The following PTBP2 variants were observed in gnomAD, a reference collection of about 807,000 sequenced individuals.
PTBP2 encodes the protein polypyrimidine tract binding protein 2.
PTBP2 carries 13 observed loss-of-function variants against 61.4 expected under a neutral mutation model. The observed-to-expected ratio is 0.21, with a 90% confidence interval of 0.14 to 0.34. PTBP2 has a LOEUF of 0.34. Ranked by LOEUF, PTBP2 falls within the 10% of genes least tolerant of loss-of-function variation. The pLI, the probability that PTBP2 is intolerant of heterozygous loss-of-function variation, is 1.00. For missense variants in PTBP2, 405 were observed against 642.6 expected, an observed-to-expected ratio of 0.63 and a Z score of 4.00; for synonymous variants, 215 against 218.5, an observed-to-expected ratio of 0.98 and a Z score of 0.14.
chr1:96,745,837 C>T (rs1420189174), intron 2 of PTBP2, among the ~76,000 whole-genome samples: 3 of 151,902 alleles, frequency 2.0e-5, no homozygotes, highest in East Asian at 1.9e-4. Flanking sequence ...GAGGCCAGGG[C>T]GGGCAGATCA....
At chr1:96,817,842 G>A (rs1056631943), downstream of PTBP2, 3 of 151,904 alleles carry the variant, frequency 2.0e-5, no homozygotes, top group Non-Finnish European at 4.4e-5. Context: ...TATAAAAATG[G>A]CAAATAATAT....
intron 2 of PTBP2, among the ~76,000 whole-genome samples, chr1:96,725,308 T>TG (rs1650258526): frequency 6.6e-6 from 1 of 151,176 alleles, no homozygotes; most frequent in Non-Finnish European, 1.5e-5. Context: ...CCAGTTTTTT[T>TG]TTTTTTTTTT....
At chr1:96,792,048 A>G (rs1330491604) in intron 8 of PTBP2, among the ~76,000 whole-genome samples, 1 of 151,962 alleles carries the variant, frequency 6.6e-6, no homozygotes, top group African/African-American at 2.4e-5. Flanking sequence ...TGTGTTAGCC[A>G]GGATGGTCTT....
At chr1:96,741,284 C>CA (rs558019453) in intron 2 of PTBP2, among the ~76,000 whole-genome samples, 301 of 151,934 alleles carry the variant, frequency 2.0e-3, no homozygotes, top group African/African-American at 6.8e-3. Context: ...TTTTGAGAGA[C>CA]AGAGTCTCAC....
At chr1:96,796,957 G>T (rs561867545) in intron 8 of PTBP2, among the ~76,000 whole-genome samples, 2 of 152,336 alleles carry the variant, frequency 1.3e-5, no homozygotes, top group Non-Finnish European at 2.9e-5. Context: ...ATCAAAAGAA[G>T]TTGCTAATAT....
At chr1:96,812,681 G>A (rs779733284) in intron 11 of PTBP2, 31 bp from the exon 12 acceptor site, 1 of 1,452,254 alleles carries the variant, frequency 6.9e-7, no homozygotes, top group Admixed American at 1.8e-5. Flanking sequence ...CTTTGATATT[G>A]TTTGTTAATA....
At chr1:96,799,188 C>G (rs1402682271) in intron 8 of PTBP2, among the ~76,000 whole-genome samples, 1 of 151,764 alleles carries the variant, frequency 6.6e-6, no homozygotes, top group African/African-American at 2.4e-5. Flanking sequence ...AGGGCCATTT[C>G]ACATGAAAAA....
chr1:96,744,351 G>C (rs1356193848), intron 2 of PTBP2, among the ~76,000 whole-genome samples: 1 of 152,060 alleles, frequency 6.6e-6, no homozygotes, highest in Non-Finnish European at 1.5e-5. Context: ...GTTAATGTTT[G>C]AATTTTTTTA....
At chr1:96,794,591 A>G (rs1660178765) in intron 8 of PTBP2, among the ~76,000 whole-genome samples, 1 of 152,128 alleles carries the variant, frequency 6.6e-6, no homozygotes, top group Admixed American at 6.6e-5. Flanking sequence ...TCTTTATTGT[A>G]TTATTCAGCA....
intron 2 of PTBP2, among the ~76,000 whole-genome samples, chr1:96,736,080 G>A (rs144578508): frequency 6.6e-4 from 101 of 152,290 alleles, no homozygotes; most frequent in African/African-American, 2.3e-3. Context: ...GAAAATAGCT[G>A]CCCACCTGTT....
chr1:96,725,296 C>T (rs1463494722), intron 2 of PTBP2, among the ~76,000 whole-genome samples: 1 of 148,106 alleles, frequency 6.8e-6, no homozygotes, highest in Non-Finnish European at 1.5e-5. Flanking sequence ...GTATTGGTTA[C>T]ACCAGTTTTT....
chr1:96,764,213 T>C (rs2100985298), intron 3 of PTBP2, among the ~76,000 whole-genome samples: 1 of 152,352 alleles, frequency 6.6e-6, no homozygotes, highest in African/African-American at 2.4e-5. Flanking sequence ...TGAAAAAATT[T>C]CATGTTATTA....
At chr1:96,722,147 CG>C (rs1019274743) in intron 1 of PTBP2, among the ~76,000 whole-genome samples, 3 of 152,046 alleles carry the variant, frequency 2.0e-5, no homozygotes, top group African/African-American at 7.2e-5. Flanking sequence ...GGCTTGGCGG[CG>C]GGGGATGGGG....
At chr1:96,813,173 C>T (rs1161239630) in intron 13 of PTBP2, 67 bp downstream of exon 13, 7 of 1,540,236 alleles carry the variant, frequency 4.5e-6, no homozygotes, top group African/African-American at 2.8e-5. Context: ...TTGTTCTTTT[C>T]GTTTATAGAA....
At chr1:96,789,341 T>C (rs1345264602) in intron 8 of PTBP2, among the ~76,000 whole-genome samples, 1 of 152,066 alleles carries the variant, frequency 6.6e-6, no homozygotes, top group African/African-American at 2.4e-5. Flanking sequence ...GGTAAACATG[T>C]AGGTCTTATA....
chr1:96,780,436 C>A (rs571792730), intron 7 of PTBP2, among the ~76,000 whole-genome samples: 1 of 152,154 alleles, frequency 6.6e-6, no homozygotes, highest in African/African-American at 2.4e-5. Context: ...TCTCTACTTA[C>A]TATTATTTGG....
chr1:96,775,331 T>G (rs1273937142), intron 5 of PTBP2, among the ~76,000 whole-genome samples: 1 of 152,204 alleles, frequency 6.6e-6, no homozygotes, highest in Admixed American at 6.5e-5. Flanking sequence ...TTAAAAGATA[T>G]GTACAAGAAA....
At chr1:96,760,406 G>C (rs1655669904) in intron 3 of PTBP2, among the ~76,000 whole-genome samples, 1 of 149,368 alleles carries the variant, frequency 6.7e-6, no homozygotes, top group Non-Finnish European at 1.5e-5. Flanking sequence ...TTTAATTACT[G>C]CTGAGTATAT....
At chr1:96,785,615 G>A (rs761758567) in intron 8 of PTBP2, among the ~76,000 whole-genome samples, 16 of 152,126 alleles carry the variant, frequency 1.1e-4, no homozygotes, top group Non-Finnish European at 1.9e-4. Flanking sequence ...TAAAGTTCTT[G>A]TGTGTGTTTT....
Sources: gnomAD v4.1 joint callset for allele counts (sites outside exome capture counted in the v4.1 genomes callset) on GRCh38, gnomAD v4.1.1 for gene constraint, MANE v1.5 for transcripts, NCBI Gene and HGNC (gene_info 2026-07-23, HGNC 2026-07-21) for gene names.